The following LRP1B variants were observed in gnomAD, a reference collection of about 807,000 sequenced individuals.
LRP1B encodes LDL receptor related protein 1B, also known as low-density lipoprotein receptor-related protein 1B.
Under a neutral mutation model 556.6 loss-of-function variants are expected in LRP1B, and 217 were observed. That is an observed-to-expected ratio of 0.39 (90% CI 0.35 to 0.44). LRP1B has a LOEUF of 0.44. LRP1B is among the 20% of genes least tolerant of loss of function. The probability of loss-of-function intolerance (pLI) is 1.00; values close to 1 mark genes in which losing one functional copy is unlikely to be tolerated. For missense variants in LRP1B, 5,053 were observed against 5,620.8 expected (o/e 0.90, Z 3.23); for synonymous variants, 2,047 against 1,865.8 (o/e 1.10, Z -2.50).
intron 1 of LRP1B, among the ~76,000 whole-genome samples, chr2:141,937,872 GTGTAA>G (rs1700683089): frequency 6.6e-6 from 1 of 152,072 alleles, no homozygotes; most frequent in South Asian, 2.1e-4. Context: ...TTTGTGGATT[GTGTAA>G]GATAAGGATC....
At chr2:141,212,317 C>T (rs1383753179) in intron 6 of LRP1B, among the ~76,000 whole-genome samples, 1 of 116,236 alleles carries the variant, frequency 8.6e-6, no homozygotes, top group African/African-American at 3.4e-5. Flanking sequence ...CTCACACTGT[C>T]GCCCAGGCTG....
chr2:140,744,630 A>C (rs1439736401), intron 35 of LRP1B, among the ~76,000 whole-genome samples: 1 of 152,142 alleles, frequency 6.6e-6, no homozygotes, highest in Non-Finnish European at 1.5e-5. Flanking sequence ...GTGCAGGCTC[A>C]CTTTTTCCTT....
intron 11 of LRP1B, among the ~76,000 whole-genome samples, chr2:141,032,184 T>A (rs566889246): frequency 5.9e-5 from 9 of 152,238 alleles, no homozygotes; most frequent in African/African-American, 2.2e-4. Context: ...TGTCTATTTA[T>A]GGGTTTTGTT....
At chr2:142,068,883 A>G (rs902872855) in intron 1 of LRP1B, among the ~76,000 whole-genome samples, 6 of 151,648 alleles carry the variant, frequency 4.0e-5, no homozygotes, top group Non-Finnish European at 8.9e-5. Context: ...ATTTCATCAA[A>G]ACTGTAAGTT....
At chr2:141,772,597 G>A (rs184348300) in intron 2 of LRP1B, among the ~76,000 whole-genome samples, 2 of 152,316 alleles carry the variant, frequency 1.3e-5, no homozygotes, top group East Asian at 3.9e-4. Context: ...GCATGCTAAA[G>A]TTTGAGAATC....
intron 2 of LRP1B, among the ~76,000 whole-genome samples, chr2:141,673,983 T>C (rs928526675): frequency 2.6e-5 from 4 of 152,022 alleles, no homozygotes; most frequent in Non-Finnish European, 5.9e-5. Context: ...AAGCAGAATG[T>C]AGCAAATGCA....
intron 37 of LRP1B, among the ~76,000 whole-genome samples, chr2:140,714,909 T>C (rs1687156670): frequency 6.6e-6 from 1 of 152,028 alleles, no homozygotes; most frequent in Admixed American, 6.6e-5. Context: ...GTACAAATAA[T>C]GTATACAATA....
rs115507708 is a variant in LRP1B at position 141,195,972 on chromosome 2, G to C, written c.851-7389C>G. Among the ~76,000 whole-genome samples the C allele has an allele frequency of 6.9e-3, 1,055 of 152,140 alleles. 9 individuals carry two copies. Among genetic ancestry groups the C allele is most frequent in the African/African-American group, 0.024 (976 of 41,506 alleles). ...GAATTTGGGCAGTAAGGCCTACCAA[G>C]AAGAACTGAGCTTGGCATTTTCTGA... is the stretch of plus-strand genomic sequence containing the variant. On this transcript the variant is annotated intron_variant, in intron 6 of 90. Transcript: ENST00000389484.
intron 1 of LRP1B, among the ~76,000 whole-genome samples, chr2:142,089,275 C>G (rs573786430): frequency 6.2e-4 from 94 of 151,986 alleles, no homozygotes; most frequent in Non-Finnish European, 1.1e-3. Flanking sequence ...GTAGAACATA[C>G]AGAAAATTAT....
At chr2:141,660,027 A>G (rs2105393685) in intron 2 of LRP1B, among the ~76,000 whole-genome samples, 1 of 152,280 alleles carries the variant, frequency 6.6e-6, no homozygotes, top group Non-Finnish European at 1.5e-5. Flanking sequence ...TTTCCCTGGC[A>G]GAGAGGGGCC....
At chr2:140,295,577 C>T (rs6755087) in intron 84 of LRP1B, among the ~76,000 whole-genome samples, 6,542 of 151,930 alleles carry the variant, frequency 0.043, 247 homozygotes, top group African/African-American at 0.11. Flanking sequence ...CTTGGGGATG[C>T]GACCTGAGCC....
chr2:141,960,009 G>A (rs1701357197), intron 1 of LRP1B, among the ~76,000 whole-genome samples: 1 of 151,896 alleles, frequency 6.6e-6, no homozygotes, highest in South Asian at 2.1e-4. Flanking sequence ...GTTTTGCAGT[G>A]AAGACCTATG....
chr2:141,865,159 C>A (rs941752505), intron 1 of LRP1B, among the ~76,000 whole-genome samples: 1 of 152,108 alleles, frequency 6.6e-6, no homozygotes, highest in African/African-American at 2.4e-5. Flanking sequence ...GATCTTGTCT[C>A]GCATTTTTGT....
chr2:140,962,167 T>C (rs570389741), intron 18 of LRP1B, among the ~76,000 whole-genome samples: 186 of 152,334 alleles, frequency 1.2e-3, no homozygotes, highest in African/African-American at 4.4e-3. Flanking sequence ...AGAATTTACA[T>C]ATACAAAAGC....
At chr2:140,337,113 C>T (rs544352209) in intron 77 of LRP1B, among the ~76,000 whole-genome samples, 9 of 151,892 alleles carry the variant, frequency 5.9e-5, no homozygotes, top group Admixed American at 3.3e-4. Context: ...AAAAAGAACA[C>T]GGGATGCCAA....
At position 141,053,797 on chromosome 2, in the gene LRP1B, TGTATGTATGCAC is replaced by T. The variant is rs1201981812; in HGVS notation, c.1552+1307_1552+1318del. Among the ~76,000 whole-genome samples, 20 of 149,182 alleles carry T rather than the reference TGTATGTATGCAC, an allele frequency of 1.3e-4. 1 individual carries two copies. Among genetic ancestry groups the T allele is most frequent in the Admixed American group, 7.5e-4 (11 of 14,654 alleles). ...TTATGTTTTTCCTCCAATGTGTGTA[TGTATGTATGCAC>T]ATATGCATGTGTGTATATATGTGTG... On this transcript the variant is annotated intron_variant, in intron 10 of 90. Coordinates refer to ENST00000389484, the MANE Select transcript of LRP1B (RefSeq NM_018557.3).
At chr2:140,676,808 T>C (rs1480606395) in intron 41 of LRP1B, among the ~76,000 whole-genome samples, 1 of 152,210 alleles carries the variant, frequency 6.6e-6, no homozygotes, top group East Asian at 1.9e-4. Context: ...TTTTAAGATG[T>C]GAAAGTTCAC....
intron 1 of LRP1B, among the ~76,000 whole-genome samples, chr2:141,965,021 A>G (rs1362386901): frequency 7.1e-6 from 1 of 141,764 alleles, no homozygotes; most frequent in Non-Finnish European, 1.5e-5. Context: ...GCCATCAGAG[A>G]AATGCAAATC....
intron 41 of LRP1B, among the ~76,000 whole-genome samples, chr2:140,630,451 A>G (rs1050836587): frequency 6.6e-6 from 1 of 152,226 alleles, no homozygotes; most frequent in Non-Finnish European, 1.5e-5. Context: ...AGGCAAATAC[A>G]GGTAACCACA....
Sources: allele counts gnomAD v4.1 joint callset (sites outside exome capture counted in the v4.1 genomes callset), GRCh38; gene constraint gnomAD v4.1.1; transcripts MANE v1.5; gene names NCBI Gene and HGNC (gene_info 2026-07-23, HGNC 2026-07-21).